Variants in GNAO1 observed in about 807,000 individuals in gnomAD.
GNAO1 encodes the protein guanine nucleotide-binding protein G(o) subunit alpha.
For missense variants in GNAO1, 166 were observed against 478.7 expected (o/e 0.35, Z 6.10); for synonymous variants, 164 against 180.7 (o/e 0.91, Z 0.74).
At chr16:56,249,315 G>A (rs577726848) in intron 2 of GNAO1, among the ~76,000 whole-genome samples, 16 of 152,258 alleles carry the variant, frequency 1.1e-4, no homozygotes, top group Non-Finnish European at 2.2e-4. Flanking sequence ...TGGCTCCTCC[G>A]AAGTTCATGG....
At chr16:56,260,430 C>T (rs1211043607) in intron 2 of GNAO1, among the ~76,000 whole-genome samples, 6 of 152,138 alleles carry the variant, frequency 3.9e-5, no homozygotes, top group African/African-American at 7.2e-5. Flanking sequence ...CCTCAGCTGC[C>T]GGCTGCTGGG....
In GNAO1 at chr16:56,357,130, CTA is replaced by C. The variant is rs1233451285; in HGVS notation, c.*1058_*1059del. ...AAAGCCGCCGTTTTCATGACCAATC[CTA>C]TGTCATTTCTACTTTGACTAATACC... On this transcript the variant is annotated 3_prime_UTR_variant, in exon 9 of 9. Coordinates refer to ENST00000262493, the MANE Select transcript of GNAO1 (RefSeq NM_020988.3). The C allele has an allele frequency of 6.6e-6, 1 of 152,390 alleles. No individual in the cohort carries two copies. Among genetic ancestry groups the C allele is most frequent in the African/African-American group, 2.4e-5 (1 of 41,366 alleles). The allele number at this position is 152,390 out of a possible 1,614,324, so 9.4% of individuals were successfully genotyped here.
In GNAO1 at chr16:56,351,307, A is replaced by T; in HGVS notation, c.724-77A>T. On this transcript the variant is annotated intron_variant, in intron 6 of 8. Transcript: ENST00000262493. The surrounding 1 kb of genome is among the most constrained non-coding windows in gnomAD (Gnocchi z 6.1). ...GCCCAGTCCCTCTCTGTCAAGCCTAATTCTCTCCTTCTCTTTCCCTGTCTC... is the reference window on the plus strand; with the variant it reads ...GCCCAGTCCCTCTCTGTCAAGCCTATTTCTCTCCTTCTCTTTCCCTGTCTC... 4 of 1,005,602 alleles carry T rather than the reference A, an allele frequency of 4.0e-6. No individual in the cohort carries two copies. Among genetic ancestry groups the T allele is most frequent in the Non-Finnish European group, 4.6e-6 (3 of 657,230 alleles). The allele number at this position is 1,005,602 out of a possible 1,614,324, so 62.3% of individuals were successfully genotyped here.
At chr16:56,300,313 A>G (rs2037332535) in intron 3 of GNAO1, among the ~76,000 whole-genome samples, 1 of 152,202 alleles carries the variant, frequency 6.6e-6, no homozygotes, top group African/African-American at 2.4e-5. Context: ...AAGGCTGTAG[A>G]TAGTGGTCAG....
rs2037837687 is a variant in GNAO1 at position 56,344,047 on chromosome 16, TGAG to T, written c.723+7190_723+7192del. 7.1e-6 allele frequency: 11 copies of T among 1,541,102 alleles called. No individual in the cohort carries two copies. In the South Asian group the frequency reaches 1.4e-4, roughly 19 times the overall value. On this transcript the variant is annotated intron_variant, in intron 6 of 8. Transcript: ENST00000262493. ...CCACTCTCAGACCACTCTTTGCACT[TGAG>T]GAAGAAGACCTCAGAGGCTGGCACC...
intron 2 of GNAO1, among the ~76,000 whole-genome samples, chr16:56,244,208 T>A (rs182437428): frequency 1.3e-4 from 20 of 152,300 alleles, no homozygotes; most frequent in African/African-American, 4.8e-4. Context: ...ACTGTCAGGA[T>A]GACCACCTAC....
At chr16:56,306,460 G>A (rs1469922550) in intron 3 of GNAO1, among the ~76,000 whole-genome samples, 1 of 152,186 alleles carries the variant, frequency 6.6e-6, no homozygotes, top group Non-Finnish European at 1.5e-5. Context: ...GGCCCAGAAA[G>A]GGTAGTGCTG....
At chr16:56,337,011 G>A (rs1325692730) in intron 6 of GNAO1, 151 bp downstream of exon 6, 9 of 749,566 alleles carry the variant, frequency 1.2e-5, no homozygotes, top group South Asian at 3.7e-5. Flanking sequence ...TGGACAGGCC[G>A]TGCCGGCACT....
chr16:56,192,230 G>T lies in GNAO1; in HGVS notation c.-6G>T. On this transcript the variant is annotated 5_prime_UTR_variant, in exon 1 of 9. Coordinates refer to ENST00000262493, the MANE Select transcript of GNAO1 (RefSeq NM_020988.3). ...TCGTGCGGGCTGTGGCAGGGAAGGG[G>T]CCACCATGGGATGTACTCTGAGCGC... The T allele has an allele frequency of 6.6e-7, 1 of 1,523,860 alleles. No homozygotes were observed. The highest frequency in any genetic ancestry group is 1.2e-5 in the South Asian group (1 of 86,356). 94.4% of individuals were successfully genotyped at this position (1,523,860 alleles called of 1,614,324 possible).
At position 56,335,000 on chromosome 16, in the gene GNAO1, G is replaced by A. The variant is rs528872617; in HGVS notation, c.593+143G>A. On this transcript the variant is annotated intron_variant, in intron 5 of 8. Transcript: ENST00000262493. The stretch of plus-strand genomic sequence containing the variant: ...TGGGGCAGGCAGCTAGATACTAGAA[G>A]GAACCTGTCTGTGTTTCTGCCAAGG... The A allele has an allele frequency of 2.8e-5, 22 of 790,152 alleles. No individual in the cohort carries two copies. In the South Asian group the frequency reaches 3.4e-4, roughly 12 times the overall value. 48.9% of individuals were successfully genotyped at this position (790,152 alleles called of 1,614,324 possible). A position where few individuals can be genotyped will look rare whatever the true frequency, so the allele number is the denominator to read the frequency against.
intron 2 of GNAO1, among the ~76,000 whole-genome samples, chr16:56,222,317 T>G (rs573990986): frequency 6.6e-6 from 1 of 152,108 alleles, no homozygotes; most frequent in Non-Finnish European, 1.5e-5. Context: ...TGCAGTCCTT[T>G]TTCATTATTT....
intron 3 of GNAO1, among the ~76,000 whole-genome samples, chr16:56,286,277 G>A (rs770824403): frequency 4.6e-5 from 7 of 152,174 alleles, no homozygotes; most frequent in Non-Finnish European, 7.3e-5. Context: ...ACCAACAGTG[G>A]TCTTATGTCA....
At chr16:56,349,560 A>G (rs1292503586) in intron 6 of GNAO1, among the ~76,000 whole-genome samples, 5 of 152,216 alleles carry the variant, frequency 3.3e-5, no homozygotes, top group African/African-American at 4.8e-5. Flanking sequence ...GAGGGATCAC[A>G]CAGATGACAG....
chr16:56,285,063 T>G (rs1360987180), intron 3 of GNAO1, among the ~76,000 whole-genome samples: 1 of 152,204 alleles, frequency 6.6e-6, no homozygotes. Flanking sequence ...TTCCGTGGCG[T>G]GCAGAGTTGA....
intron 7 of GNAO1, chr16:56,353,435 T>C (rs1277009013): frequency 6.6e-6 from 1 of 152,250 alleles, no homozygotes; most frequent in Non-Finnish European, 1.5e-5. Context: ...AATTCAGGTA[T>C]CATGGATGAC....
chr16:56,315,817 G>A (rs1312052973), intron 3 of GNAO1, among the ~76,000 whole-genome samples: 1 of 152,112 alleles, frequency 6.6e-6, no homozygotes, highest in African/African-American at 2.4e-5. Context: ...GCCAAGGCGG[G>A]CAGATCACGA....
rs548674334 is a variant in GNAO1, at chr16:56,229,632, G to A, written c.161+37016G>A. On this transcript the variant is annotated intron_variant, in intron 2 of 8. Coordinates refer to ENST00000262493, the MANE Select transcript of GNAO1 (RefSeq NM_020988.3). ...GGGTGGATGGATGGATGGATGGATG[G>A]ATGGATGGATGGATGGATGAATAAA... Among the ~76,000 whole-genome samples, 4 of 152,262 alleles carry A rather than the reference G, an allele frequency of 2.6e-5. No homozygotes were observed. The East Asian group carries it at 7.7e-4, about 29-fold the overall frequency.
intron 6 of GNAO1, chr16:56,344,059 C>G: frequency 6.6e-7 from 1 of 1,515,542 alleles, no homozygotes; most frequent in Non-Finnish European, 8.8e-7. Flanking sequence ...AGGAAGAAGA[C>G]CTCAGAGGCT....
chr16:56,223,438 T>A (rs753865392), intron 2 of GNAO1, among the ~76,000 whole-genome samples: 1 of 152,236 alleles, frequency 6.6e-6, no homozygotes, highest in Non-Finnish European at 1.5e-5. Flanking sequence ...GGTTCTCTGC[T>A]TTTAAGGACT....
Sources: gnomAD v4.1 joint callset for allele counts (sites outside exome capture counted in the v4.1 genomes callset) on GRCh38, gnomAD v4.1.1 for gene constraint, Gnocchi (gnomAD v3.1) non-coding constraint, MANE v1.5 for transcripts, NCBI Gene and HGNC (gene_info 2026-07-23, HGNC 2026-07-21) for gene names.